Variants in FAM107B observed in about 807,000 individuals in gnomAD.
FAM107B encodes the protein protein FAM107B.
A neutral mutation model predicts 31.5 loss-of-function variants in FAM107B; 21 were observed. The ratio of observed to expected loss-of-function variants is 0.67; its 90% CI spans 0.47 to 0.96. The LOEUF is 0.96. FAM107B is among the 40% of genes least tolerant of loss of function. The pLI is 0.00. For missense variants in FAM107B, 452 were observed against 377.1 expected (o/e 1.20, Z -1.64); for synonymous variants, 157 against 141.5 (o/e 1.11, Z -0.78).
intron 2 of FAM107B, among the ~76,000 whole-genome samples, chr10:14,587,876 T>A (rs931106082): frequency 6.6e-6 from 1 of 152,106 alleles, no homozygotes; most frequent in Non-Finnish European, 1.5e-5. Context: ...ATCTATAAAA[T>A]CAGAGGGTTA....
intron 2 of FAM107B, among the ~76,000 whole-genome samples, chr10:14,551,276 T>C: frequency 6.6e-6 from 1 of 152,108 alleles, no homozygotes; most frequent in Non-Finnish European, 1.5e-5. Context: ...GCCTCCTGAG[T>C]AGCTGGGACT....
chr10:14,632,088 G>A (rs1212041062), intron 2 of FAM107B, among the ~76,000 whole-genome samples: 2 of 151,776 alleles, frequency 1.3e-5, no homozygotes, highest in African/African-American at 2.4e-5. Flanking sequence ...CCTGAGGTCA[G>A]GAGTTCAAGA....
Position 14,681,480 on chromosome 10 carries a change from A to T in FAM107B, c.412-13789T>A, listed in dbSNP as rs572465659. The stretch of plus-strand genomic sequence containing the variant: ...TCCTTTCAGCTCATGTTTCAAAGGC[A>T]GATAAGTAGCCTCTCAGTCCCTACA... On this transcript the variant is annotated intron_variant, in intron 1 of 4. Coordinates refer to ENST00000181796, the MANE Select transcript of FAM107B (RefSeq NM_031453.4). Among the ~76,000 whole-genome samples, 72 of 152,314 alleles carry T rather than the reference A, an allele frequency of 4.7e-4. No individual in the cohort carries two copies. The South Asian group carries it at 0.014, about 29-fold the overall frequency.
intron 1 of FAM107B, among the ~76,000 whole-genome samples, chr10:14,677,939 A>C (rs1208274555): frequency 2.0e-5 from 3 of 152,216 alleles, no homozygotes; most frequent in African/African-American, 7.2e-5. Context: ...GTGTTGTTAA[A>C]CGACCATCAT....
intron 1 of FAM107B, among the ~76,000 whole-genome samples, chr10:14,755,609 G>GTAAC (rs1356859503): frequency 2.0e-5 from 3 of 151,994 alleles, no homozygotes; most frequent in Non-Finnish European, 4.4e-5. Flanking sequence ...CAATTCCCTT[G>GTAAC]TAACTATTCT....
chr10:14,565,148 A>G (rs932199682), intron 2 of FAM107B, among the ~76,000 whole-genome samples: 1 of 152,260 alleles, frequency 6.6e-6, no homozygotes, highest in Non-Finnish European at 1.5e-5. Flanking sequence ...AGCTTGTGCC[A>G]GGCATATGTC....
At chr10:14,539,467 T>A (rs1407449506) in intron 2 of FAM107B, among the ~76,000 whole-genome samples, 3 of 152,090 alleles carry the variant, frequency 2.0e-5, no homozygotes, top group Admixed American at 6.5e-5. Flanking sequence ...TGTCCAAATA[T>A]ATCATGATCA....
intron 2 of FAM107B, 108 bp from the exon 3 acceptor site, chr10:14,530,623 C>A: frequency 1.0e-6 from 1 of 986,486 alleles, no homozygotes. Context: ...ATGCCATCCT[C>A]CTGAGTCCAC....
At chr10:14,765,116 C>T (rs181278243) in intron 1 of FAM107B, among the ~76,000 whole-genome samples, 1 of 152,296 alleles carries the variant, frequency 6.6e-6, no homozygotes, top group East Asian at 1.9e-4. Flanking sequence ...ACTCTCTCTC[C>T]CCCAATATAT....
intron 1 of FAM107B, among the ~76,000 whole-genome samples, chr10:14,689,259 A>T (rs1451734129): frequency 6.6e-6 from 1 of 151,828 alleles, no homozygotes; most frequent in Non-Finnish European, 1.5e-5. Context: ...ATGCACCTGA[A>T]GTCCCAGCTC....
At chr10:14,633,008 G>A (rs1853407276) in intron 2 of FAM107B, among the ~76,000 whole-genome samples, 1 of 152,116 alleles carries the variant, frequency 6.6e-6, no homozygotes, top group African/African-American at 2.4e-5. Flanking sequence ...AGACTAGCCT[G>A]GCCAACATGG....
intron 2 of FAM107B, among the ~76,000 whole-genome samples, chr10:14,546,338 A>T (rs1335314801): frequency 2.0e-5 from 3 of 152,172 alleles, no homozygotes; most frequent in Non-Finnish European, 2.9e-5. Context: ...AAATTTTCTA[A>T]ATTGACTGTC....
chr10:14,657,974 CTAA>C (rs1445368492), intron 2 of FAM107B, among the ~76,000 whole-genome samples: 4 of 152,032 alleles, frequency 2.6e-5, no homozygotes, highest in African/African-American at 4.8e-5. Flanking sequence ...CCACACCCGG[CTAA>C]TGTTTTCTCT....
At chr10:14,589,362 C>T (rs1485139154) in intron 2 of FAM107B, among the ~76,000 whole-genome samples, 1 of 152,050 alleles carries the variant, frequency 6.6e-6, no homozygotes, top group African/African-American at 2.4e-5. Context: ...TTTTCAAATA[C>T]TAGTAAGCCA....
chr10:14,597,271 G>A (rs1223336860), intron 2 of FAM107B, among the ~76,000 whole-genome samples: 1 of 152,142 alleles, frequency 6.6e-6, no homozygotes, highest in Non-Finnish European at 1.5e-5. Context: ...TATTTATACT[G>A]CAAGATTTCA....
intron 1 of FAM107B, among the ~76,000 whole-genome samples, chr10:14,669,367 CAAA>C (rs34544529): frequency 2.5e-5 from 3 of 119,258 alleles, no homozygotes; most frequent in Admixed American, 9.2e-5. Flanking sequence ...GAGACTCTGT[CAAA>C]AAAAAAAAAA....
intron 2 of FAM107B, among the ~76,000 whole-genome samples, chr10:14,560,363 A>G (rs1249541958): frequency 6.6e-6 from 1 of 152,252 alleles, no homozygotes; most frequent in Non-Finnish European, 1.5e-5. Flanking sequence ...TGAGTGTCAC[A>G]TATCGCATGC....
At chr10:14,581,521 G>A (rs1287156583) in intron 2 of FAM107B, among the ~76,000 whole-genome samples, 1 of 152,210 alleles carries the variant, frequency 6.6e-6, no homozygotes, top group Non-Finnish European at 1.5e-5. Flanking sequence ...CCCTGCCACA[G>A]CCTCATCCAG....
intron 2 of FAM107B, chr10:14,604,433 C>CGGCGG (rs1330723718): frequency 7.0e-5 from 12 of 171,874 alleles, no homozygotes; most frequent in South Asian, 1.9e-4. Context: ...CCGAATTAAG[C>CGGCGG]GGCGGGGCGG....
Sources: gnomAD v4.1 joint callset for allele counts (sites outside exome capture counted in the v4.1 genomes callset) on GRCh38, gnomAD v4.1.1 for gene constraint, MANE v1.5 for transcripts, NCBI Gene and HGNC (gene_info 2026-07-23, HGNC 2026-07-21) for gene names.